Variants in DAB1 observed in about 807,000 individuals in gnomAD.
DAB1 encodes DAB adaptor protein 1.
DAB1 carries 15 observed loss-of-function variants against 64.6 expected under a neutral mutation model. The ratio of observed to expected loss-of-function variants is 0.23; its 90% confidence interval spans 0.16 to 0.36. DAB1 has a LOEUF of 0.36. Among genes scored for constraint, DAB1 ranks in the 10% least tolerant of loss-of-function variants. DAB1 has a pLI of 1.00. For missense variants in DAB1, 596 were observed against 706.7 expected (o/e 0.84, Z 1.78); for synonymous variants, 235 against 251.9 (o/e 0.93, Z 0.64).
chr1:58,157,256 C>A (rs1324963514), intron 4 of DAB1, among the ~76,000 whole-genome samples: 1 of 152,186 alleles, frequency 6.6e-6, no homozygotes, highest in African/African-American at 2.4e-5. Context: ...TTTCAGCCCC[C>A]CTCTGCTGAA....
chr1:57,091,329 G>C (rs549528), intron 4 of DAB1, among the ~76,000 whole-genome samples: 4 of 151,876 alleles, frequency 2.6e-5, no homozygotes, highest in Non-Finnish European at 5.9e-5. Context: ...GTAGACCCAC[G>C]GAATATAAGA....
At chr1:58,117,207 T>C (rs890300285) in intron 5 of DAB1, among the ~76,000 whole-genome samples, 3 of 152,198 alleles carry the variant, frequency 2.0e-5, no homozygotes, top group Non-Finnish European at 2.9e-5. Context: ...GCTCAGAGGC[T>C]TCCCTGCCTA....
chr1:58,451,202 G>A (rs142492197), intron 3 of DAB1, among the ~76,000 whole-genome samples: 2,851 of 152,160 alleles, frequency 0.019, 43 homozygotes, highest in Non-Finnish European at 0.031. Context: ...CAATCCTCCC[G>A]CCTTAGCCTC....
intron 4 of DAB1, among the ~76,000 whole-genome samples, chr1:57,074,225 G>A (rs574723367): frequency 1.3e-5 from 2 of 152,310 alleles, no homozygotes; most frequent in South Asian, 4.1e-4. Flanking sequence ...TCATATTTGA[G>A]TATATTCTCT....
At chr1:57,565,727 A>G (rs1449023148) in intron 7 of DAB1, among the ~76,000 whole-genome samples, 1 of 152,232 alleles carries the variant, frequency 6.6e-6, no homozygotes, top group East Asian at 1.9e-4. Context: ...AGAGCGAACT[A>G]TCCTAAATAT....
chr1:57,110,704 C>A (rs186151954), intron 4 of DAB1, among the ~76,000 whole-genome samples: 97 of 152,250 alleles, frequency 6.4e-4, no homozygotes, highest in Non-Finnish European at 1.1e-3. Flanking sequence ...ACACAGTAAC[C>A]ATTATTACAG....
intron 6 of DAB1, among the ~76,000 whole-genome samples, chr1:57,720,181 T>C (rs1245991843): frequency 2.6e-5 from 4 of 152,194 alleles, no homozygotes; most frequent in Non-Finnish European, 4.4e-5. Flanking sequence ...GGAATGACTC[T>C]GTGTACTGCA....
In DAB1 at chr1:57,529,727, T is replaced by C. The variant is rs1317664931; in HGVS notation, n.625+119865A>G. Among the ~76,000 whole-genome samples the C allele has an allele frequency of 2.0e-5, 3 of 152,150 alleles. No individual in the cohort carries two copies. The East Asian group carries it at 5.8e-4, about 29-fold the overall frequency. ...CTTAATAGCAAAACCAGACAAATCA[T>C]GGAGTCCAAGATATTGCTCCCTTGC... On this transcript the variant is annotated intron_variant and non_coding_transcript_variant, in intron 7 of 20. Coordinates refer to the DAB1 transcript ENST00000485760.
At chr1:57,596,552 G>C (rs1055086386) in intron 7 of DAB1, among the ~76,000 whole-genome samples, 1 of 152,000 alleles carries the variant, frequency 6.6e-6, no homozygotes, top group Non-Finnish European at 1.5e-5. Flanking sequence ...TGAAGCCCTG[G>C]GGCTAGAGCA....
chr1:57,368,104 G>C (rs945577517), intron 1 of DAB1, among the ~76,000 whole-genome samples: 1 of 152,246 alleles, frequency 6.6e-6, no homozygotes, highest in African/African-American at 2.4e-5. Context: ...CCAGCCAGGT[G>C]TGCACACACT....
At chr1:57,945,611 G>C (rs12407974) in intron 5 of DAB1, among the ~76,000 whole-genome samples, 68,466 of 151,772 alleles carry the variant, frequency 0.45, 16,482 homozygotes, top group Non-Finnish European at 0.54. Context: ...TCTACTGAAT[G>C]AGAGGTTGAT....
chr1:57,141,697 T>G (rs1206088360), intron 3 of DAB1, among the ~76,000 whole-genome samples: 2 of 152,164 alleles, frequency 1.3e-5, no homozygotes, highest in Non-Finnish European at 2.9e-5. Context: ...GCACTGCCTT[T>G]GGAGACCTCA....
downstream of DAB1, among the ~76,000 whole-genome samples, chr1:57,822,638 C>T (rs1435039228): frequency 6.6e-6 from 1 of 151,996 alleles, no homozygotes; most frequent in African/African-American, 2.4e-5. Context: ...TTAATATTGC[C>T]CTGTTCTGAT....
At chr1:57,049,622 C>A (rs1648968283) in intron 9 of DAB1, among the ~76,000 whole-genome samples, 1 of 151,958 alleles carries the variant, frequency 6.6e-6, no homozygotes, top group Non-Finnish European at 1.5e-5. Context: ...TGTCTCATCC[C>A]AGTCATACAC....
At chr1:58,160,320 T>TA (rs1056656693) in intron 4 of DAB1, among the ~76,000 whole-genome samples, 2 of 151,804 alleles carry the variant, frequency 1.3e-5, no homozygotes, top group African/African-American at 2.4e-5. Context: ...CAGAGCAGAG[T>TA]AGTTCCCTGT....
intron 1 of DAB1, among the ~76,000 whole-genome samples, chr1:57,840,100 A>T (rs1369260774): frequency 6.6e-6 from 1 of 152,230 alleles, no homozygotes; most frequent in Non-Finnish European, 1.5e-5. Flanking sequence ...TGTTATTGAT[A>T]AAACACCTGT....
At chr1:57,861,307 C>T (rs1272066873) in intron 1 of DAB1, among the ~76,000 whole-genome samples, 1 of 152,272 alleles carries the variant, frequency 6.6e-6, no homozygotes, top group East Asian at 1.9e-4. Context: ...ATATTTCTTA[C>T]AGTTCAGGAG....
At chr1:57,023,698 G>A in intron 10 of DAB1, 59 bp from the exon 11 acceptor site, 1 of 1,140,684 alleles carries the variant, frequency 8.8e-7, no homozygotes, top group Non-Finnish European at 1.3e-6. Context: ...CATCAAGGCT[G>A]GGAGGTAGCA....
chr1:57,035,707 T>A (rs970820627), intron 9 of DAB1, among the ~76,000 whole-genome samples: 10 of 152,148 alleles, frequency 6.6e-5, no homozygotes, highest in Non-Finnish European at 1.2e-4. Flanking sequence ...GGCAAGTTTA[T>A]TGAGCAGTTT....
Sources: gnomAD v4.1 joint callset for allele counts (sites outside exome capture counted in the v4.1 genomes callset) on GRCh38, gnomAD v4.1.1 for gene constraint, MANE v1.5 for transcripts, NCBI Gene and HGNC (gene_info 2026-07-23, HGNC 2026-07-21) for gene names.